The following SCUBE1 variants were observed in gnomAD, a reference collection of about 807,000 sequenced individuals.
The protein encoded by SCUBE1 is signal peptide, CUB and EGF-like domain-containing protein 1.
Under a neutral mutation model 124.4 loss-of-function variants are expected in SCUBE1, and 59 were observed. That is an observed-to-expected ratio of 0.47 (90% CI 0.38 to 0.59). SCUBE1 has a LOEUF of 0.59. SCUBE1 is among the 20% of genes least tolerant of loss of function. SCUBE1 has a pLI of 0.00. For missense variants in SCUBE1, 1,150 were observed against 1,371.2 expected (o/e 0.84, Z 2.55); for synonymous variants, 545 against 550.9 (o/e 0.99, Z 0.15).
intron 6 of SCUBE1, among the ~76,000 whole-genome samples, chr22:43,243,300 G>T (rs1050105010): frequency 5.9e-5 from 9 of 152,216 alleles, no homozygotes; most frequent in Non-Finnish European, 7.3e-5. Flanking sequence ...TGGGGAGAGC[G>T]CTCACCCTGT....
intron 3 of SCUBE1, among the ~76,000 whole-genome samples, chr22:43,300,120 A>G (rs1238492743): frequency 2.0e-5 from 3 of 152,156 alleles, no homozygotes; most frequent in Non-Finnish European, 2.9e-5. Flanking sequence ...ATACGCCTTC[A>G]GCTCTCCTGG....
rs117888057 is a variant in SCUBE1, at chr22:43,291,001, C to T, written c.484+45G>A. 6.1e-4 allele frequency: 936 copies of T among 1,524,900 alleles called. 8 individuals carry two copies. In the East Asian group the frequency reaches 0.021, roughly 35 times the overall value. The allele number at this position is 1,524,900 out of a possible 1,614,324, so 94.5% of individuals were successfully genotyped here. A position where few individuals can be genotyped will look rare whatever the true frequency, so the allele number is the denominator to read the frequency against. ...TGGAGAAGGGGACTCTGGGGGCTGCCCATCCTGGGGGGGGACATGCCTGGT... is the reference window on the plus strand; with the variant it reads ...TGGAGAAGGGGACTCTGGGGGCTGCTCATCCTGGGGGGGGACATGCCTGGT... On this transcript the variant is annotated intron_variant, in intron 4 of 21. Coordinates refer to ENST00000360835, the MANE Select transcript of SCUBE1 (RefSeq NM_173050.5).
intron 19 of SCUBE1, among the ~76,000 whole-genome samples, chr22:43,209,665 A>G (rs7287544): frequency 0.081 from 12,271 of 152,274 alleles, 932 homozygotes; most frequent in African/African-American, 0.19. Flanking sequence ...GAGGAGACCC[A>G]TGGAGCTGGA....
intron 15 of SCUBE1, among the ~76,000 whole-genome samples, chr22:43,216,235 C>T (rs534063791): frequency 4.0e-4 from 60 of 151,166 alleles, no homozygotes; most frequent in African/African-American, 1.3e-3. Flanking sequence ...TTAGTAGAGA[C>T]GGGGTTTCAC....
chr22:43,242,443 G>A (rs896945930), intron 6 of SCUBE1, among the ~76,000 whole-genome samples: 5 of 152,244 alleles, frequency 3.3e-5, no homozygotes, highest in African/African-American at 4.8e-5. Context: ...AGCAGCAAAC[G>A]GGGCCCCGAG....
At chr22:43,209,018 A>G (rs138986) in intron 19 of SCUBE1, among the ~76,000 whole-genome samples, 110,285 of 151,252 alleles carry the variant, frequency 0.73, 40,520 homozygotes, top group African/African-American at 0.77. Flanking sequence ...GGGCAGGGGA[A>G]CGGGTGAGGG....
chr22:43,304,011 A>C (rs759492571), intron 3 of SCUBE1, among the ~76,000 whole-genome samples: 5 of 152,108 alleles, frequency 3.3e-5, no homozygotes, highest in South Asian at 4.1e-4. Context: ...GCCCTCGTGC[A>C]GTTGTTAATA....
intron 10 of SCUBE1, among the ~76,000 whole-genome samples, chr22:43,227,118 C>T (rs1274793303): frequency 6.6e-6 from 1 of 152,214 alleles, no homozygotes. Flanking sequence ...CTCCTCTGTG[C>T]CCTCCTCCCC....
intron 21 of SCUBE1, among the ~76,000 whole-genome samples, chr22:43,206,240 GCA>G (rs1221200271): frequency 1.9e-5 from 2 of 104,714 alleles, no homozygotes; most frequent in Admixed American, 1.1e-4. Flanking sequence ...TACACACCCA[GCA>G]CACACACCCC....
At chr22:43,241,628 G>A (rs934383798) in intron 6 of SCUBE1, among the ~76,000 whole-genome samples, 2 of 152,036 alleles carry the variant, frequency 1.3e-5, no homozygotes, top group South Asian at 2.1e-4. Flanking sequence ...GCCCCAAGCC[G>A]AAGACGAGGA....
chr22:43,276,183 C>G (rs565177458), intron 4 of SCUBE1, among the ~76,000 whole-genome samples: 11 of 152,232 alleles, frequency 7.2e-5, no homozygotes, highest in Non-Finnish European at 7.3e-5. Flanking sequence ...GGTGGGAATT[C>G]TGTAGCTGGG....
intron 2 of SCUBE1, among the ~76,000 whole-genome samples, chr22:43,325,685 G>C (rs1040678086): frequency 6.6e-6 from 1 of 152,070 alleles, no homozygotes; most frequent in African/African-American, 2.4e-5. Flanking sequence ...TTCACTCCAA[G>C]CATCCCTGTT....
intron 20 of SCUBE1, 67 bp downstream of exon 20, chr22:43,208,005 T>A: frequency 6.4e-7 from 1 of 1,568,102 alleles, no homozygotes; most frequent in Non-Finnish European, 8.8e-7. Context: ...GACGTGCGAC[T>A]CATCTCTGTG....
rs1922683016 is a variant in SCUBE1, at chr22:43,234,572, G to C, written c.845-2697C>G. Among the ~76,000 whole-genome samples, 1 of 152,216 alleles carries C rather than the reference G, an allele frequency of 6.6e-6. No individual in the cohort carries two copies. The highest frequency in any genetic ancestry group is 2.4e-5 in the African/African-American group (1 of 41,452). On this transcript the variant is annotated intron_variant, in intron 7 of 21. Transcript: ENST00000360835. This position sits in a 1 kb window ranked among gnomAD's most constrained non-coding sequence, Gnocchi z 4.4. Reference sequence around the variant, plus strand: ...GGCTGGTGTAGCTGGCTGCCTGGGGGTCAGGATGGAGGGAAGCCCCCTCCT... The same window carrying C: ...GGCTGGTGTAGCTGGCTGCCTGGGGCTCAGGATGGAGGGAAGCCCCCTCCT...
chr22:43,223,067 G>C, intron 11 of SCUBE1, 30 bp downstream of exon 11: 11 of 1,507,152 alleles, frequency 7.3e-6, no homozygotes, highest in Non-Finnish European at 9.7e-6. Flanking sequence ...CCCTGCCACA[G>C]CATCCCATCT....
intron 13 of SCUBE1, among the ~76,000 whole-genome samples, chr22:43,220,850 G>A (rs1432910427): frequency 1.3e-5 from 2 of 152,140 alleles, no homozygotes; most frequent in Non-Finnish European, 2.9e-5. Flanking sequence ...CCCCAGCTCT[G>A]GGCCTGCTGA....
At chr22:43,298,861 G>A (rs1925661689) in intron 3 of SCUBE1, among the ~76,000 whole-genome samples, 1 of 152,012 alleles carries the variant, frequency 6.6e-6, no homozygotes, top group Non-Finnish European at 1.5e-5. Context: ...GACCATCCTG[G>A]CTAACACGGT....
intron 4 of SCUBE1, among the ~76,000 whole-genome samples, chr22:43,279,052 G>A (rs972721037): frequency 5.3e-5 from 8 of 152,210 alleles, no homozygotes; most frequent in African/African-American, 1.9e-4. Context: ...GAAGCTCGAG[G>A]ACCAGCCTGG....
At chr22:43,336,137 A>T (rs1927073234) in intron 2 of SCUBE1, among the ~76,000 whole-genome samples, 1 of 152,182 alleles carries the variant, frequency 6.6e-6, no homozygotes, top group Non-Finnish European at 1.5e-5. Context: ...TGCCTCACTC[A>T]ATCTTCAGGC....
Sources: allele counts gnomAD v4.1 joint callset (sites outside exome capture counted in the v4.1 genomes callset), GRCh38; gene constraint gnomAD v4.1.1; non-coding constraint Gnocchi (gnomAD v3.1); transcripts MANE v1.5; gene names NCBI Gene and HGNC (gene_info 2026-07-23, HGNC 2026-07-21).